Variants in NCAN observed in about 807,000 individuals in gnomAD.
NCAN encodes the protein neurocan core protein.
Under a neutral mutation model 121.8 loss-of-function variants are expected in NCAN, and 47 were observed. The ratio of observed to expected loss-of-function variants is 0.39; its 90% CI spans 0.31 to 0.49. NCAN has a LOEUF of 0.49. NCAN is among the 20% of genes least tolerant of loss of function. NCAN has a pLI of 0.92. For synonymous variants in NCAN, 633 were observed against 702.0 expected, an observed-to-expected ratio of 0.90 and a Z score of 1.55; for missense variants, 1,517 against 1,773.4, an observed-to-expected ratio of 0.86 and a Z score of 2.60.
chr19:19,232,472 T>C (rs943207444), intron 8 of NCAN, among the ~76,000 whole-genome samples: 1 of 152,224 alleles, frequency 6.6e-6, no homozygotes, highest in Non-Finnish European at 1.5e-5. Flanking sequence ...GGCCCTGCCA[T>C]CCACAAGCCC....
In NCAN at chr19:19,227,606, G is replaced by T; in HGVS notation, c.1986G>T (p.Glu662Asp). The T allele has an allele frequency of 1.2e-6, 2 of 1,613,836 alleles. No individual in the cohort carries two copies. The highest frequency in any genetic ancestry group is 1.7e-6 in the Non-Finnish European group (2 of 1,180,008). Residue 662 changes from glutamate to aspartate, a missense_variant, in exon 8 of 15, where the codon GAG (glutamate) becomes GAT (aspartate). Coordinates refer to ENST00000252575, the MANE Select transcript of NCAN (RefSeq NM_004386.3). The surrounding 1 kb of genome is among the most constrained non-coding windows in gnomAD (Gnocchi z 4.2). ...TEANRVEAHG[E>D]ATATAPPSPA... The stretch of plus-strand genomic sequence containing the variant: ...CCAATAGAGTTGAGGCACATGGTGA[G>T]GCCACCGCCACGGCTCCACCCTCCC...
Position 19,219,212 on chromosome 19 carries a change from C to T in NCAN, c.371C>T (p.Thr124Met), listed in dbSNP as rs776226614. The change falls in exon 3 of 15, where the codon ACG becomes ATG. Residue 124 changes from threonine (T) to methionine (M), a missense_variant. Physicochemically the swap from Thr to Met is moderately conservative, Grantham distance 81 (BLOSUM62 -1). Coordinates refer to ENST00000252575, the MANE Select transcript of NCAN (RefSeq NM_004386.3). ...TACCCCCGGCGCCGAGCCAACGCCA[C>T]GCTACTTCTGGGGCCACTGAGGGCC... is the stretch of plus-strand genomic sequence containing the variant. ...PSYPRRRANATLLLGPLRASD... is the reference protein window; with the variant it reads ...PSYPRRRANAMLLLGPLRASD... The T allele has an allele frequency of 1.2e-6, 2 of 1,609,830 alleles. No homozygotes were observed. The highest frequency in any genetic ancestry group is 1.7e-6 in the Non-Finnish European group (2 of 1,179,904).
intron 1 of NCAN, among the ~76,000 whole-genome samples, chr19:19,213,130 C>T (rs971701827): frequency 3.3e-5 from 5 of 151,980 alleles, no homozygotes; most frequent in Admixed American, 6.5e-5. Flanking sequence ...CAGCGGGGGA[C>T]GTGGGGGCAG....
In NCAN at chr19:19,227,535, C is replaced by A; in HGVS notation, c.1915C>A (p.Pro639Thr). 4.3e-6 allele frequency: 7 copies of A among 1,613,914 alleles called. No homozygotes were observed. Among genetic ancestry groups the A allele is most frequent in the Non-Finnish European group, 5.1e-6 (6 of 1,180,004 alleles). The part of the protein sequence containing the change: ...DLPMMAMLRG[P>T]KEWMLPHPTP... ...CCCTATGATGGCCATGCTGCGTGGTCCCAAAGAGTGGATGCTACCACACCC... is the reference window on the plus strand; with the variant it reads ...CCCTATGATGGCCATGCTGCGTGGTACCAAAGAGTGGATGCTACCACACCC... The change falls in exon 8 of 15, where the codon CCC (proline) becomes ACC (threonine). Residue 639 changes from proline to threonine, a missense_variant. Transcript: ENST00000252575. The surrounding 1 kb of genome is among the most constrained non-coding windows in gnomAD (Gnocchi z 4.2).
intron 3 of NCAN, among the ~76,000 whole-genome samples, chr19:19,223,413 A>C (rs2060823889): frequency 6.6e-6 from 1 of 152,034 alleles, no homozygotes; most frequent in East Asian, 1.9e-4. Flanking sequence ...CTCCTCTAGA[A>C]CAATCAGATT....
chr19:19,245,374 TG>T lies in NCAN; in HGVS notation c.3556del (p.Val1186Ter). On this transcript the variant is annotated frameshift_variant, in exon 13 of 15. Transcript: ENST00000252575. LOFTEE classifies it high-confidence loss of function. ...DNFFAGGEDC[V>X]VMVAHESGRW... ...TTCTTCGCGGGTGGCGAGGACTGTGTGGTGATGGTGGCGCATGAAAGCGGGC... is the reference window on the plus strand; with the variant it reads ...TTCTTCGCGGGTGGCGAGGACTGTGTGTGATGGTGGCGCATGAAAGCGGGC... The T allele has an allele frequency of 6.2e-7, 1 of 1,614,180 alleles. No homozygotes were observed. Among genetic ancestry groups the T allele is most frequent in the Non-Finnish European group, 8.5e-7 (1 of 1,180,038 alleles).
In NCAN at chr19:19,249,848, G is replaced by A. The variant is rs141163352; in HGVS notation, c.3903G>A (p.Glu1301=). 2 of 1,613,934 alleles carry A rather than the reference G, an allele frequency of 1.2e-6. No individual in the cohort carries two copies. Among genetic ancestry groups the A allele is most frequent in the African/African-American group, 2.7e-5 (2 of 74,882 alleles). ...ATCACCACCACAAATCCCGCAAGGA[G>A]CGCAGAAAACACAAGAAACACCCAA... ...HQHHHHKSRK[E]RRKHKKHPTE... Residue 1301 remains glutamate (E), a synonymous_variant, in exon 15 of 15, where the codon GAG becomes GAA. Coordinates refer to ENST00000252575, the MANE Select transcript of NCAN (RefSeq NM_004386.3).
intron 2 of NCAN, among the ~76,000 whole-genome samples, chr19:19,218,485 T>G (rs1458480954): frequency 6.6e-6 from 1 of 151,856 alleles, no homozygotes; most frequent in African/African-American, 2.4e-5. Flanking sequence ...TTTGTTTTTT[T>G]TTTTGAGATG....
intron 13 of NCAN, 85 bp downstream of exon 13, chr19:19,245,542 A>C: frequency 7.5e-6 from 11 of 1,465,990 alleles, no homozygotes; most frequent in Non-Finnish European, 9.2e-6. Context: ...CAGTGGCATA[A>C]TCATGGCTCA....
At chr19:19,216,881 C>A in intron 1 of NCAN, 66 bp from the exon 2 acceptor site, 1 of 956,296 alleles carries the variant, frequency 1.0e-6, no homozygotes, top group Non-Finnish European at 1.4e-6. Context: ...TTTGGTCCTG[C>A]AATGCTGAAT....
chr19:19,238,742 G>T lies in NCAN; in HGVS notation c.3409+331G>T, dbSNP rs1234818477. 5 of 393,794 alleles carry T rather than the reference G, an allele frequency of 1.3e-5. No homozygotes were observed. In the East Asian group the frequency reaches 2.4e-4, roughly 19 times the overall value. The allele number at this position is 393,794 out of a possible 1,614,324, so 24.4% of individuals were successfully genotyped here. A position where few individuals can be genotyped will look rare whatever the true frequency, so the allele number is the denominator to read the frequency against. On this transcript the variant is annotated intron_variant, in intron 11 of 14. Transcript: ENST00000252575. ...CAGGGAGTGACCATTTCTTGGGGAG[G>T]ATATAGACAAACAAGTAAATATCTA...
chr19:19,230,883 C>CTGTGTGTG (rs367759381), intron 8 of NCAN, among the ~76,000 whole-genome samples: 1,323 of 121,812 alleles, frequency 0.011, 22 homozygotes, highest in African/African-American at 0.025. Context: ...CCACACCCGG[C>CTGTGTGTG]TGTGTGTGTG....
intron 10 of NCAN, among the ~76,000 whole-genome samples, chr19:19,235,684 C>T (rs2060878686): frequency 2.0e-5 from 3 of 150,232 alleles, no homozygotes; most frequent in Admixed American, 2.0e-4. Flanking sequence ...CCAAGTGATT[C>T]TCCTACCTCA....
At chr19:19,223,999 C>G (rs752564259) in intron 3 of NCAN, 22 bp from the exon 4 acceptor site, 32 of 1,498,976 alleles carry the variant, frequency 2.1e-5, no homozygotes, top group Middle Eastern at 1.8e-4. Context: ...ACTGTCCCCC[C>G]ATCCTGGATG....
intron 8 of NCAN, among the ~76,000 whole-genome samples, chr19:19,229,135 G>C (rs762205360): frequency 2.6e-5 from 4 of 152,230 alleles, no homozygotes; most frequent in Admixed American, 6.5e-5. Flanking sequence ...TTGAACCCGG[G>C]AGGCGGAGGT....
Position 19,245,476 on chromosome 19 carries a change from T to C in NCAN, c.3637+19T>C. 1 of 1,607,662 alleles carries C rather than the reference T, an allele frequency of 6.2e-7. No homozygotes were observed. The highest frequency in any genetic ancestry group is 8.5e-7 in the Non-Finnish European group (1 of 1,176,082). Reference sequence around the variant, plus strand: ...GGCACAGGTATGCTGTGCCCCCTGCTTCTTTTCCTCTCTGTCACTTTTGCT... The same window carrying C: ...GGCACAGGTATGCTGTGCCCCCTGCCTCTTTTCCTCTCTGTCACTTTTGCT... On this transcript the variant is annotated intron_variant, in intron 13 of 14. Coordinates refer to ENST00000252575, the MANE Select transcript of NCAN (RefSeq NM_004386.3).
Position 19,249,781 on chromosome 19 carries a change from G to T in NCAN, c.3836G>T (p.Arg1279Leu). The change falls in exon 15 of 15, where the codon CGG becomes CTG. Residue 1279 changes from arginine (R) to leucine (L), a missense_variant. Coordinates refer to ENST00000252575, the MANE Select transcript of NCAN (RefSeq NM_004386.3). ...IVCTKPRRSH[R>L]MRRHHHHHQH... ...TTCCCTGCAGCCAGACGTTCACATCGGATGCGGCGACACCACCACCACCAC... is the reference window on the plus strand; with the variant it reads ...TTCCCTGCAGCCAGACGTTCACATCTGATGCGGCGACACCACCACCACCAC... 1 of 1,605,728 alleles carries T rather than the reference G, an allele frequency of 6.2e-7. No homozygotes were observed. Among genetic ancestry groups the T allele is most frequent in the Non-Finnish European group, 8.5e-7 (1 of 1,176,598 alleles).
At chr19:19,216,291 G>T (rs1237342489) in intron 1 of NCAN, among the ~76,000 whole-genome samples, 1 of 151,834 alleles carries the variant, frequency 6.6e-6, no homozygotes, top group Non-Finnish European at 1.5e-5. Context: ...TGGGACCACA[G>T]GTGTGCGCCA....
chr19:19,240,920 C>G (rs531856275), intron 12 of NCAN, among the ~76,000 whole-genome samples: 1 of 152,306 alleles, frequency 6.6e-6, no homozygotes, highest in East Asian at 1.9e-4. Flanking sequence ...AAACCTGAGA[C>G]TAGGGTCTGA....
Sources: gnomAD v4.1 joint callset for allele counts (sites outside exome capture counted in the v4.1 genomes callset) on GRCh38, gnomAD v4.1.1 for gene constraint, Gnocchi (gnomAD v3.1) non-coding constraint, MANE v1.5 for transcripts, NCBI Gene and HGNC (gene_info 2026-07-23, HGNC 2026-07-21) for gene names.